The following STXBP5L variants were observed in gnomAD, a reference collection of about 807,000 sequenced individuals.
The protein encoded by STXBP5L is syntaxin binding protein 5L.
In STXBP5L, 65 loss-of-function variants were observed where a neutral mutation model predicts 144.5. The ratio of observed to expected loss-of-function variants is 0.45; its 90% CI spans 0.37 to 0.55. The LOEUF (loss-of-function observed/expected upper bound fraction) is 0.55. Among genes scored for constraint, STXBP5L ranks in the 20% least tolerant of loss-of-function variants. The probability of loss-of-function intolerance (pLI) is 0.00; values close to 1 mark genes in which losing one functional copy is unlikely to be tolerated. For synonymous variants in STXBP5L, 505 were observed against 469.6 expected, an observed-to-expected ratio of 1.08 and a Z score of -0.97; for missense variants, 1,298 against 1,405.5, an observed-to-expected ratio of 0.92 and a Z score of 1.22.
intron 3 of STXBP5L, among the ~76,000 whole-genome samples, chr3:120,959,216 G>C (rs565893518): frequency 2.0e-5 from 3 of 152,254 alleles, no homozygotes; most frequent in Admixed American, 6.5e-5. Context: ...ACCTCTTCAA[G>C]GAGAACTACA....
At chr3:121,208,527 T>G (rs996300134) in intron 10 of STXBP5L, among the ~76,000 whole-genome samples, 4 of 151,766 alleles carry the variant, frequency 2.6e-5, no homozygotes, top group Non-Finnish European at 5.9e-5. Flanking sequence ...TTTTATACCA[T>G]TATAACTAAA....
chr3:121,268,008 C>T (rs540415238), intron 18 of STXBP5L, among the ~76,000 whole-genome samples: 1 of 152,252 alleles, frequency 6.6e-6, no homozygotes, highest in Admixed American at 6.5e-5. Context: ...GGCGATTCCT[C>T]AAGGATCTCA....
In STXBP5L at chr3:121,420,878, G is replaced by A. The variant is rs1309215473; in HGVS notation, c.*1781G>A. 1 of 151,990 alleles carries A rather than the reference G, an allele frequency of 6.6e-6. No homozygotes were observed. The highest frequency in any genetic ancestry group is 1.5e-5 in the Non-Finnish European group (1 of 67,978). 9.4% of individuals were successfully genotyped at this position (151,990 alleles called of 1,614,324 possible). On this transcript the variant is annotated 3_prime_UTR_variant, in exon 27 of 27. Transcript: ENST00000471454. ...GGTACAATGTTCTCAGTAATTTTGAGGAGAACAAAGATGAGTGAAAGAGTT... is the reference window on the plus strand; with the variant it reads ...GGTACAATGTTCTCAGTAATTTTGAAGAGAACAAAGATGAGTGAAAGAGTT...
At chr3:121,130,530 C>T (rs1358368813) in intron 7 of STXBP5L, among the ~76,000 whole-genome samples, 1 of 151,976 alleles carries the variant, frequency 6.6e-6, no homozygotes, top group Non-Finnish European at 1.5e-5. Flanking sequence ...GAAGGAAATA[C>T]CTAAAACCAA....
At chr3:121,024,942 A>T (rs1410361470) in intron 3 of STXBP5L, among the ~76,000 whole-genome samples, 1 of 152,188 alleles carries the variant, frequency 6.6e-6, no homozygotes, top group African/African-American at 2.4e-5. Flanking sequence ...AATGCTTAGA[A>T]CAGTATCATT....
intron 22 of STXBP5L, among the ~76,000 whole-genome samples, chr3:121,386,867 G>C (rs148694643): frequency 2.6e-5 from 4 of 152,064 alleles, no homozygotes; most frequent in Admixed American, 2.0e-4. Flanking sequence ...ATAAACATAC[G>C]TGTGCATGCA....
rs558051976 is a variant in STXBP5L at position 121,210,861 on chromosome 3, G to A, written c.956+4860G>A. 1.6e-4 allele frequency among the ~76,000 whole-genome samples: 24 copies of A among 152,284 alleles called. No homozygotes were observed. The South Asian group carries it at 4.1e-3, about 26-fold the overall frequency. On this transcript the variant is annotated intron_variant, in intron 10 of 26. Transcript: ENST00000471454. ...TTGTAGTATAGTTTGAAGTCAAGTA[G>A]TGTGATGCCTCCAGCTTTGTTCTTT... is the stretch of plus-strand genomic sequence containing the variant.
At chr3:120,912,636 A>AAG in intron 2 of STXBP5L, among the ~76,000 whole-genome samples, 1 of 151,922 alleles carries the variant, frequency 6.6e-6, no homozygotes, top group African/African-American at 2.4e-5. Context: ...AAAAAAAAAA[A>AAG]AGTTAATGCA....
At chr3:121,333,687 G>T (rs1451023454) in intron 20 of STXBP5L, among the ~76,000 whole-genome samples, 1 of 151,940 alleles carries the variant, frequency 6.6e-6, no homozygotes, top group African/African-American at 2.4e-5. Context: ...AAACAACAAA[G>T]GGAGGTTACC....
At chr3:121,311,338 A>G (rs147918167) in intron 19 of STXBP5L, among the ~76,000 whole-genome samples, 82 of 152,346 alleles carry the variant, frequency 5.4e-4, no homozygotes, top group African/African-American at 1.9e-3. Context: ...GGAAAAACAC[A>G]AACAAATCAA....
At chr3:120,919,294 T>C (rs1031122623) in intron 2 of STXBP5L, among the ~76,000 whole-genome samples, 1 of 152,078 alleles carries the variant, frequency 6.6e-6, no homozygotes, top group Admixed American at 6.5e-5. Context: ...AGAATAGAAT[T>C]ATATAGCAAA....
rs1022469648 is a variant in STXBP5L, at chr3:120,954,988, C to T, written c.238C>T (p.Pro80Ser). 2 of 1,612,646 alleles carry T rather than the reference C, an allele frequency of 1.2e-6. No homozygotes were observed. Among genetic ancestry groups the T allele is most frequent in the Non-Finnish European group, 1.7e-6 (2 of 1,179,184 alleles). Residue 80 changes from proline (P) to serine (S), a missense_variant, in exon 3 of 27, where the codon CCA (proline) becomes TCA (serine). Physicochemically the swap from Pro to Ser is moderately conservative, Grantham distance 74 (BLOSUM62 -1). Transcript: ENST00000471454. Reference sequence around the variant, plus strand: ...TCAGCCCACAGCATTAGCCTTTGATCCAGTTCAGAAAATCTTGGCTATTGG... The same window carrying T: ...TCAGCCCACAGCATTAGCCTTTGATTCAGTTCAGAAAATCTTGGCTATTGG... ...PHQPTALAFD[P>S]VQKILAIGTR... is the part of the protein sequence containing the mutation.
intron 5 of STXBP5L, among the ~76,000 whole-genome samples, chr3:121,102,366 A>G (rs772187605): frequency 1.3e-5 from 2 of 152,158 alleles, no homozygotes; most frequent in African/African-American, 4.8e-5. Flanking sequence ...ACAAAGAGAG[A>G]TAGACCAATG....
At chr3:121,337,497 G>A (rs1476453791) in intron 20 of STXBP5L, among the ~76,000 whole-genome samples, 6 of 132,118 alleles carry the variant, frequency 4.5e-5, no homozygotes, top group Non-Finnish European at 8.1e-5. Flanking sequence ...TCCCCAGCAA[G>A]AAGATATTAC....
intron 9 of STXBP5L, among the ~76,000 whole-genome samples, chr3:121,192,526 C>G (rs1458444930): frequency 6.6e-6 from 1 of 152,126 alleles, no homozygotes; most frequent in Non-Finnish European, 1.5e-5. Flanking sequence ...CAATCCAAAG[C>G]CAAAAGAACA....
intron 3 of STXBP5L, among the ~76,000 whole-genome samples, chr3:121,034,837 C>T (rs191890155): frequency 3.8e-4 from 58 of 152,268 alleles, no homozygotes; most frequent in African/African-American, 1.3e-3. Flanking sequence ...TATTTTCCCA[C>T]CAACAATGTG....
In STXBP5L at chr3:121,234,011, G is replaced by T. The variant is rs552554409; in HGVS notation, c.1184+323G>T. 5.9e-5 allele frequency among the ~76,000 whole-genome samples: 9 copies of T among 152,246 alleles called. No homozygotes were observed. The South Asian group carries it at 8.3e-4, about 14-fold the overall frequency. On this transcript the variant is annotated intron_variant, in intron 12 of 26. Coordinates refer to ENST00000471454, the MANE Select transcript of STXBP5L (RefSeq NM_001308330.2). The stretch of plus-strand genomic sequence containing the variant: ...TTGTACAATGTGATAGCTGAGTAAT[G>T]GAAAATGACACATGATAGAAGTATT...
intron 5 of STXBP5L, among the ~76,000 whole-genome samples, chr3:121,098,900 C>T (rs907104383): frequency 6.6e-6 from 1 of 152,110 alleles, no homozygotes; most frequent in South Asian, 2.1e-4. Flanking sequence ...AAATAATTTT[C>T]TCCATTTCAG....
At chr3:120,940,129 T>A (rs1710487141) in intron 2 of STXBP5L, among the ~76,000 whole-genome samples, 1 of 152,112 alleles carries the variant, frequency 6.6e-6, no homozygotes, top group East Asian at 1.9e-4. Flanking sequence ...ATGAGAAAGA[T>A]CATTAAGTTC....
Sources: allele counts gnomAD v4.1 joint callset (sites outside exome capture counted in the v4.1 genomes callset), GRCh38; gene constraint gnomAD v4.1.1; transcripts MANE v1.5; gene names NCBI Gene and HGNC (gene_info 2026-07-23, HGNC 2026-07-21).